The following DMD variants were observed in gnomAD, a reference collection of about 807,000 sequenced individuals.
The protein encoded by DMD is mutant dystrophin.
DMD carries 63 observed loss-of-function variants against 330.1 expected under a neutral mutation model. That is an observed-to-expected ratio of 0.19 (90% confidence interval 0.16 to 0.24). The LOEUF is 0.24. Among genes scored for constraint, DMD ranks in the 10% least tolerant of loss-of-function variants. DMD has a pLI of 1.00. For synonymous variants in DMD, 1,223 were observed against 959.8 expected, an observed-to-expected ratio of 1.27 and a Z score of -5.07; for missense variants, 3,344 against 2,684.1, an observed-to-expected ratio of 1.25 and a Z score of -5.43.
chrX:31,819,162 A>G (rs975528234), intron 50 of DMD, among the ~76,000 whole-genome samples: 6 of 112,364 alleles, frequency 5.3e-5, no homozygotes, highest in Non-Finnish European at 1.1e-4. Context: ...TAACATTGCC[A>G]TGAGAATTTA....
intron 62 of DMD, among the ~76,000 whole-genome samples, chrX:31,283,015 C>T (rs866558832): frequency 3.5e-4 from 39 of 111,251 alleles, no homozygotes; most frequent in African/African-American, 1.2e-3. Flanking sequence ...ATCAATGTGT[C>T]AACTCATTTT....
intron 62 of DMD, among the ~76,000 whole-genome samples, chrX:31,296,641 A>G (rs1170007286): frequency 8.9e-6 from 1 of 111,966 alleles, no homozygotes; most frequent in Non-Finnish European, 1.9e-5. Flanking sequence ...AACTACTCTG[A>G]GCTAAGTGAA....
chrX:32,158,872 A>G (rs1178625432), intron 44 of DMD, among the ~76,000 whole-genome samples: 3 of 112,025 alleles, frequency 2.7e-5, no homozygotes, highest in Non-Finnish European at 5.6e-5. Flanking sequence ...CATTGTCTTC[A>G]TTAGCATAAC....
chrX:32,492,952 A>G (rs909945399), intron 19 of DMD, among the ~76,000 whole-genome samples: 8 of 110,841 alleles, frequency 7.2e-5, no homozygotes, highest in Non-Finnish European at 1.3e-4. Context: ...GTTTGGTAGA[A>G]GAGTAGGTTG....
chrX:33,106,429 G>A (rs768499733), intron 1 of DMD, among the ~76,000 whole-genome samples: 2 of 110,339 alleles, frequency 1.8e-5, no homozygotes, highest in Non-Finnish European at 1.9e-5. Context: ...AGCTATTGAA[G>A]TACAACAAAA....
At chrX:32,301,615 C>A (rs1351504001) in intron 42 of DMD, among the ~76,000 whole-genome samples, 1 of 110,096 alleles carries the variant, frequency 9.1e-6, no homozygotes. Flanking sequence ...CAAATTTAAC[C>A]AGGAGAAAAT....
chrX:31,483,069 T>C (rs1463911009), intron 57 of DMD, among the ~76,000 whole-genome samples: 47 of 88,103 alleles, frequency 5.3e-4, no homozygotes, highest in South Asian at 1.2e-3. Flanking sequence ...TTTTTTGAGA[T>C]GGAGTCTCGC....
At chrX:31,738,078 G>A (rs2087009028) in intron 51 of DMD, among the ~76,000 whole-genome samples, 1 of 111,943 alleles carries the variant, frequency 8.9e-6, no homozygotes, top group African/African-American at 3.2e-5. Flanking sequence ...TGAGGCTATA[G>A]GAGCAAAGCT....
intron 1 of DMD, among the ~76,000 whole-genome samples, chrX:33,219,306 T>TTTTGTGTG (rs1363727434): frequency 4.1e-5 from 3 of 72,976 alleles, no homozygotes; most frequent in Non-Finnish European, 5.6e-5. Flanking sequence ...TTAGAGATTA[T>TTTTGTGTG]TGTGTGTGTG....
intron 60 of DMD, among the ~76,000 whole-genome samples, chrX:31,407,619 C>A (rs1185750458): frequency 1.9e-5 from 2 of 103,642 alleles, no homozygotes; most frequent in African/African-American, 7.2e-5. Context: ...CTACAGGCAC[C>A]CACCACCACG....
chrX:31,657,157 G>A (rs765223954), intron 54 of DMD, among the ~76,000 whole-genome samples: 2 of 110,798 alleles, frequency 1.8e-5, no homozygotes, highest in Admixed American at 9.6e-5. Flanking sequence ...ATTTTTCACC[G>A]TGGTCTTCCT....
At chrX:33,176,436 C>A (rs1361265362) in intron 1 of DMD, among the ~76,000 whole-genome samples, 4 of 105,912 alleles carry the variant, frequency 3.8e-5, no homozygotes, top group Admixed American at 3.0e-4. Context: ...AAAAAAAAAA[C>A]CAGGTATACG....
chrX:33,148,341 C>A (rs2048123175), intron 1 of DMD, among the ~76,000 whole-genome samples: 1 of 112,293 alleles, frequency 8.9e-6, no homozygotes, highest in African/African-American at 3.2e-5. Context: ...GTTGATATTT[C>A]TTAGGGTTCA....
At chrX:32,814,526 C>T (rs772317548) in intron 6 of DMD, among the ~76,000 whole-genome samples, 2 of 111,788 alleles carry the variant, frequency 1.8e-5, no homozygotes, top group Admixed American at 9.5e-5. Context: ...AGAATATGAA[C>T]ATCTGCCAAA....
chrX:32,530,358 G>A lies in DMD; in HGVS notation c.2169-12227C>T, dbSNP rs745459168. 3.1e-3 allele frequency among the ~76,000 whole-genome samples: 346 copies of A among 112,180 alleles called. 1 individual carries two copies. The highest frequency in any genetic ancestry group is 0.014 in the Middle Eastern group (3 of 219). On this transcript the variant is annotated intron_variant, in intron 17 of 78. Coordinates refer to ENST00000357033, the MANE Select transcript of DMD (RefSeq NM_004006.3). ...TGATTGCAGTGAAGAGAATAAAACTGCTGTAAAATATTGCTTCTCTGCACA... is the reference window on the plus strand; with the variant it reads ...TGATTGCAGTGAAGAGAATAAAACTACTGTAAAATATTGCTTCTCTGCACA...
intron 1 of DMD, among the ~76,000 whole-genome samples, chrX:33,140,763 G>T (rs553023550): frequency 8.9e-6 from 1 of 112,067 alleles, no homozygotes; most frequent in South Asian, 3.7e-4. Flanking sequence ...ACTTTCCCCT[G>T]TATAAGTAAG....
chrX:31,979,465 C>T (rs2150247098), intron 44 of DMD, among the ~76,000 whole-genome samples: 1 of 112,207 alleles, frequency 8.9e-6, no homozygotes, highest in Admixed American at 9.4e-5. Flanking sequence ...GTTCTTTTTA[C>T]TAAATGGCTA....
chrX:31,477,909 T>C (rs897672333), intron 59 of DMD, among the ~76,000 whole-genome samples, 197 bp downstream of exon 59: 2 of 111,828 alleles, frequency 1.8e-5, no homozygotes, highest in Non-Finnish European at 3.8e-5. Context: ...TTTCATTTCA[T>C]ATAACTGAAG....
chrX:32,815,520 T>TATATACACACAC, intron 6 of DMD, among the ~76,000 whole-genome samples: 62 of 78,899 alleles, frequency 7.9e-4, no homozygotes, highest in South Asian at 1.7e-3. Flanking sequence ...TATATATATA[T>TATATACACACAC]ACACACACAC....
Sources: gnomAD v4.1 joint callset for allele counts (sites outside exome capture counted in the v4.1 genomes callset) on GRCh38, gnomAD v4.1.1 for gene constraint, MANE v1.5 for transcripts, NCBI Gene and HGNC (gene_info 2026-07-23, HGNC 2026-07-21) for gene names.